Variants in MBD5 observed in about 807,000 individuals in gnomAD.
MBD5 encodes the protein methyl-CpG binding domain protein 5.
A neutral mutation model predicts 117.3 loss-of-function variants in MBD5; 13 were observed. The observed-to-expected ratio is 0.11, with a 90% CI of 0.07 to 0.18. The LOEUF (loss-of-function observed/expected upper bound fraction) is 0.18. Among genes scored for constraint, MBD5 ranks in the 10% least tolerant of loss-of-function variants. The pLI is 1.00. For synonymous variants in MBD5, 727 were observed against 766.4 expected, an observed-to-expected ratio of 0.95 and a Z score of 0.85; for missense variants, 1,879 against 2,093.8, an observed-to-expected ratio of 0.90 and a Z score of 2.00.
chr2:148,451,806 T>C (rs528247692), intron 4 of MBD5, among the ~76,000 whole-genome samples: 2 of 152,328 alleles, frequency 1.3e-5, no homozygotes, highest in South Asian at 2.1e-4. Context: ...AGTGGACTTC[T>C]TAATTATCTT....
chr2:148,115,723 A>G (rs942399945), intron 1 of MBD5, among the ~76,000 whole-genome samples: 2 of 152,136 alleles, frequency 1.3e-5, no homozygotes, highest in African/African-American at 4.8e-5. Context: ...TCATTTACTC[A>G]AATGTGTCAG....
chr2:148,106,788 A>G (rs1463621582), intron 1 of MBD5, among the ~76,000 whole-genome samples: 1 of 152,064 alleles, frequency 6.6e-6, no homozygotes, highest in Non-Finnish European at 1.5e-5. Flanking sequence ...CTAACCAAAC[A>G]AAACAAAGGC....
rs1682329701 is a variant in MBD5, at chr2:148,515,600, A to G, written c.*2659A>G. ...TTTCTTTGTCTTTGTATTGAAGCCA[A>G]TTCATTTTTTTAAATGAAGGCTAGG... is the stretch of plus-strand genomic sequence containing the variant. On this transcript the variant is annotated 3_prime_UTR_variant, in exon 14 of 14. Coordinates refer to ENST00000642680, the MANE Select transcript of MBD5 (RefSeq NM_001378120.1). 2 of 152,166 alleles carry G rather than the reference A, an allele frequency of 1.3e-5. No homozygotes were observed. The highest frequency in any genetic ancestry group is 2.9e-5 in the Non-Finnish European group (2 of 68,028). 9.4% of individuals were successfully genotyped at this position (152,166 alleles called of 1,614,324 possible). A position where few individuals can be genotyped will look rare whatever the true frequency, so the allele number is the denominator to read the frequency against.
intron 4 of MBD5, among the ~76,000 whole-genome samples, chr2:148,345,217 TAC>T (rs1553503434): frequency 1.8e-5 from 2 of 109,134 alleles, no homozygotes; most frequent in Non-Finnish European, 3.9e-5. Flanking sequence ...TATGTATATA[TAC>T]ACACACACAT....
intron 3 of MBD5, among the ~76,000 whole-genome samples, chr2:148,302,745 C>T (rs189103879): frequency 5.3e-5 from 8 of 152,042 alleles, no homozygotes; most frequent in African/African-American, 1.7e-4. Flanking sequence ...AGTGATCCAC[C>T]TCAGCCTTCC....
chr2:148,289,106 C>A (rs911148597), intron 3 of MBD5, among the ~76,000 whole-genome samples: 20 of 152,172 alleles, frequency 1.3e-4, no homozygotes, highest in African/African-American at 4.8e-4. Flanking sequence ...CTATAAGCTT[C>A]ATTCATTACA....
At chr2:148,266,353 A>C (rs1227091048) in intron 3 of MBD5, among the ~76,000 whole-genome samples, 1 of 152,128 alleles carries the variant, frequency 6.6e-6, no homozygotes, top group Non-Finnish European at 1.5e-5. Context: ...AATAATTATA[A>C]GAAAAACTCT....
chr2:148,095,115 C>A (rs180953006), intron 1 of MBD5, among the ~76,000 whole-genome samples: 14 of 152,126 alleles, frequency 9.2e-5, no homozygotes, highest in African/African-American at 3.4e-4. Flanking sequence ...GATTGACATT[C>A]CCAGCATATG....
At chr2:148,401,582 TA>T (rs201160055) in intron 4 of MBD5, among the ~76,000 whole-genome samples, 2 of 152,128 alleles carry the variant, frequency 1.3e-5, no homozygotes, top group African/African-American at 2.4e-5. Flanking sequence ...TTCTGGTTTT[TA>T]AAAAAATTAT....
intron 3 of MBD5, among the ~76,000 whole-genome samples, chr2:148,319,660 C>T (rs190743803): frequency 6.6e-6 from 1 of 152,204 alleles, no homozygotes; most frequent in East Asian, 1.9e-4. Flanking sequence ...TTGGTGGAGT[C>T]TTTAGAATTT....
At chr2:148,082,380 G>A (rs1695667737) in intron 1 of MBD5, among the ~76,000 whole-genome samples, 1 of 152,004 alleles carries the variant, frequency 6.6e-6, no homozygotes, top group African/African-American at 2.4e-5. Context: ...ACTGTAACAG[G>A]TTCTCTGAAC....
chr2:148,420,354 T>G (rs1436170251), intron 4 of MBD5, among the ~76,000 whole-genome samples: 1 of 152,218 alleles, frequency 6.6e-6, no homozygotes, highest in East Asian at 1.9e-4. Flanking sequence ...TATCCCAAAC[T>G]TTATTACCCC....
chr2:148,244,442 T>A (rs1257117111), intron 3 of MBD5: 2 of 152,202 alleles, frequency 1.3e-5, no homozygotes, highest in African/African-American at 4.8e-5. Context: ...AATTTTTGTT[T>A]TGAATAGGTA....
intron 1 of MBD5, chr2:148,070,746 A>G (rs1420285930): frequency 6.6e-6 from 1 of 152,210 alleles, no homozygotes; most frequent in African/African-American, 2.4e-5. Flanking sequence ...TGCAGAAATA[A>G]CATTAAACAG....
intron 3 of MBD5, among the ~76,000 whole-genome samples, chr2:148,234,526 C>G (rs1700052088): frequency 6.6e-6 from 1 of 152,078 alleles, no homozygotes. Flanking sequence ...TCCTGATCAC[C>G]AAAGAAAAAG....
chr2:148,293,666 A>G (rs1003713826), intron 3 of MBD5, among the ~76,000 whole-genome samples: 1 of 152,182 alleles, frequency 6.6e-6, no homozygotes, highest in Non-Finnish European at 1.5e-5. Flanking sequence ...ATAATGTTGA[A>G]TAGAAGTGGC....
intron 4 of MBD5, among the ~76,000 whole-genome samples, chr2:148,435,532 T>A (rs1001129983): frequency 3.9e-5 from 6 of 152,100 alleles, no homozygotes; most frequent in African/African-American, 1.4e-4. Flanking sequence ...AATGCTTAGA[T>A]GGACATTTTT....
chr2:148,294,514 T>TGTTTTTGTTTTTTTTTGTTTG, intron 3 of MBD5, among the ~76,000 whole-genome samples: 1 of 138,788 alleles, frequency 7.2e-6, no homozygotes, highest in East Asian at 2.0e-4. Flanking sequence ...TTTTTTTTTT[T>TGTTTTTGTTTTTTTTTGTTTG]TTTTTTTGAG....
intron 7 of MBD5, among the ~76,000 whole-genome samples, chr2:148,466,049 A>T (rs1353399417): frequency 6.6e-6 from 1 of 152,156 alleles, no homozygotes; most frequent in Non-Finnish European, 1.5e-5. Context: ...ATTCCTTTTT[A>T]AAATGATACT....
Sources: gnomAD v4.1 joint callset for allele counts (sites outside exome capture counted in the v4.1 genomes callset) on GRCh38, gnomAD v4.1.1 for gene constraint, MANE v1.5 for transcripts, NCBI Gene and HGNC (gene_info 2026-07-23, HGNC 2026-07-21) for gene names.